The following NHLRC2 variants were observed in gnomAD, a reference collection of about 807,000 sequenced individuals.
NHLRC2 encodes NHL repeat-containing protein 2.
A neutral mutation model predicts 68.1 loss-of-function variants in NHLRC2; 33 were observed. The ratio of observed to expected loss-of-function variants is 0.48; its 90% CI spans 0.37 to 0.65. The LOEUF (loss-of-function observed/expected upper bound fraction) is 0.65. Among genes scored for constraint, NHLRC2 ranks in the 30% least tolerant of loss-of-function variants. The pLI, the probability that NHLRC2 is intolerant of heterozygous loss-of-function variation, is 0.00. For synonymous variants in NHLRC2, 311 were observed against 309.6 expected, an observed-to-expected ratio of 1.00 and a Z score of -0.05; for missense variants, 761 against 853.8, an observed-to-expected ratio of 0.89 and a Z score of 1.35.
chr10:113,872,674 A>G (rs970091344), intron 2 of NHLRC2, among the ~76,000 whole-genome samples: 1 of 151,906 alleles, frequency 6.6e-6, no homozygotes, highest in African/African-American at 2.4e-5. Flanking sequence ...TGAAAACTAA[A>G]TTTGACCAAG....
In NHLRC2 at chr10:113,903,553, A is replaced by C; in HGVS notation, c.1521A>C (p.Lys507Asn). The C allele has an allele frequency of 6.2e-7, 1 of 1,605,730 alleles. No homozygotes were observed. Among genetic ancestry groups the C allele is most frequent in the Non-Finnish European group, 8.5e-7 (1 of 1,177,368 alleles). Residue 507 changes from lysine to asparagine, a missense_variant, in exon 9 of 11, where the codon AAA (lysine) becomes AAC (asparagine). Physicochemically the swap from Lys to Asn is moderately conservative, Grantham distance 94. Coordinates refer to ENST00000369301, the MANE Select transcript of NHLRC2 (RefSeq NM_198514.4). Reference protein sequence around the residue: ...HKIKVVDPKTKNCTTLAGTGD... With the variant: ...HKIKVVDPKTNNCTTLAGTGD... ...TTAAAGTTGTGGATCCAAAAACAAA[A>C]AACTGTACAACATTAGCAGGAACTG... is the stretch of plus-strand genomic sequence containing the variant.
At chr10:113,877,056 G>C (rs1264887278) in intron 3 of NHLRC2, 80 bp downstream of exon 3, 2 of 834,330 alleles carry the variant, frequency 2.4e-6, no homozygotes. Flanking sequence ...AAGTTGAAAT[G>C]TCTAAATGAA....
chr10:113,903,445 G>T, intron 8 of NHLRC2, 82 bp from the exon 9 acceptor site: 1 of 812,796 alleles, frequency 1.2e-6, no homozygotes, highest in Non-Finnish European at 2.1e-6. Context: ...TCAGAAATTA[G>T]CTTGCTTGAT....
Position 113,902,529 on chromosome 10 carries a change from C to T in NHLRC2, c.1430C>T (p.Pro477Leu), listed in dbSNP as rs1478045198. 1 of 1,605,608 alleles carries T rather than the reference C, an allele frequency of 6.2e-7. No individual in the cohort carries two copies. Among genetic ancestry groups the T allele is most frequent in the Non-Finnish European group, 8.5e-7 (1 of 1,174,224 alleles). ...GVGINAKLQH[P>L]LGVTWDKKRN... ...GGAATCAATGCAAAGCTTCAACACCCCCTTGGAGTAACATGGGACAAAAAA... is the reference window on the plus strand; with the variant it reads ...GGAATCAATGCAAAGCTTCAACACCTCCTTGGAGTAACATGGGACAAAAAA... Residue 477 changes from proline (P) to leucine (L), a missense_variant, in exon 8 of 11, where the codon CCC (proline) becomes CTC (leucine). Pro to Leu is a moderately conservative substitution (Grantham distance 98, BLOSUM62 -3). Coordinates refer to ENST00000369301, the MANE Select transcript of NHLRC2 (RefSeq NM_198514.4).
intron 2 of NHLRC2, among the ~76,000 whole-genome samples, chr10:113,859,930 A>T (rs1193091300): frequency 6.6e-6 from 1 of 152,186 alleles, no homozygotes; most frequent in Non-Finnish European, 1.5e-5. Context: ...CAGAAGGGAC[A>T]CTCCTGGCTG....
intron 10 of NHLRC2, among the ~76,000 whole-genome samples, chr10:113,906,640 A>G (rs1369130917): frequency 2.0e-5 from 3 of 151,792 alleles, no homozygotes; most frequent in Non-Finnish European, 2.9e-5. Flanking sequence ...TTTCTGTTTT[A>G]TTTCTAGATT....
chr10:113,872,546 GA>G (rs528412134), intron 2 of NHLRC2, among the ~76,000 whole-genome samples: 2 of 145,976 alleles, frequency 1.4e-5, no homozygotes, highest in African/African-American at 2.5e-5. Context: ...TAGGAATAAT[GA>G]AAAAAAAACA....
Position 113,908,638 on chromosome 10 carries a change from C to A in NHLRC2, c.*102C>A. On this transcript the variant is annotated 3_prime_UTR_variant, in exon 11 of 11. Coordinates refer to ENST00000369301, the MANE Select transcript of NHLRC2 (RefSeq NM_198514.4). The stretch of plus-strand genomic sequence containing the variant: ...AAACTTCAGTTCTGCCTCTGGATAC[C>A]AAGATGCCCATTGCTCAGTTCAGAC... 1 of 1,050,842 alleles carries A rather than the reference C, an allele frequency of 9.5e-7. No homozygotes were observed. The highest frequency in any genetic ancestry group is 1.4e-6 in the Non-Finnish European group (1 of 709,886). The allele number at this position is 1,050,842 out of a possible 1,614,324, so 65.1% of individuals were successfully genotyped here.
Position 113,915,078 on chromosome 10 carries a change from C to T in NHLRC2, c.*6542C>T, listed in dbSNP as rs1846369414. On this transcript the variant is annotated 3_prime_UTR_variant, in exon 11 of 11. Coordinates refer to ENST00000369301, the MANE Select transcript of NHLRC2 (RefSeq NM_198514.4). ...TGTGTTGGTTTGGTTTAATTCTTTT[C>T]AAGGGTTGGAGTTGGAAAGTGAAAA... 2.2e-6 allele frequency: 1 copy of T among 456,248 alleles called. No individual in the cohort carries two copies. The highest frequency in any genetic ancestry group is 4.4e-6 in the Non-Finnish European group (1 of 226,968). 28.3% of individuals were successfully genotyped at this position (456,248 alleles called of 1,614,324 possible). A position where few individuals can be genotyped will look rare whatever the true frequency, so the allele number is the denominator to read the frequency against.
intron 1 of NHLRC2, among the ~76,000 whole-genome samples, chr10:113,856,277 T>C (rs1845757533): frequency 6.6e-6 from 1 of 152,218 alleles, no homozygotes; most frequent in Non-Finnish European, 1.5e-5. Context: ...ACCACATGTA[T>C]AGTTAATTGG....
chr10:113,879,635 T>C lies in NHLRC2; in HGVS notation c.849T>C (p.Gly283=). 6.3e-7 allele frequency: 1 copy of C among 1,577,464 alleles called. No individual in the cohort carries two copies. The highest frequency in any genetic ancestry group is 8.7e-7 in the Non-Finnish European group (1 of 1,151,138). ...AATCAACTTTTAATTCTCCACAGGGTGTAGCCATAATGAATAATATCATAT... is the reference window on the plus strand; with the variant it reads ...AATCAACTTTTAATTCTCCACAGGGCGTAGCCATAATGAATAATATCATAT... ...FSESTFNSPQ[G]VAIMNNIIYV... The change falls in exon 4 of 11, where the codon GGT becomes GGC. Residue 283 remains glycine, a synonymous_variant. Transcript: ENST00000369301.
chr10:113,872,761 TAAAA>T (rs56279136), intron 2 of NHLRC2, among the ~76,000 whole-genome samples: 1 of 136,384 alleles, frequency 7.3e-6, no homozygotes, highest in South Asian at 2.3e-4. Context: ...GAAAATGAGC[TAAAA>T]AAAAAAAAAA....
intron 7 of NHLRC2, 76 bp downstream of exon 7, chr10:113,901,973 T>C: frequency 1.9e-6 from 2 of 1,032,070 alleles, no homozygotes; most frequent in Non-Finnish European, 3.0e-6. Flanking sequence ...GGAAAGTTAA[T>C]AAGATTTAAG....
chr10:113,898,279 C>A, intron 6 of NHLRC2, 70 bp downstream of exon 6: 1 of 955,282 alleles, frequency 1.0e-6, no homozygotes, highest in Non-Finnish European at 1.7e-6. Flanking sequence ...TTTTCAAAAT[C>A]ACCATCCTCA....
At position 113,913,842 on chromosome 10, in the gene NHLRC2, G is replaced by GTTTTTTTTTTTTTTTTTTTTTTTTTT. The variant is rs1204774026; in HGVS notation, c.*5310_*5311insTTTTTTTTTTTTTTTTTTTTTTTTTT. On this transcript the variant is annotated 3_prime_UTR_variant, in exon 11 of 11. Transcript: ENST00000369301. The stretch of plus-strand genomic sequence containing the variant: ...GCATTAGGTACTTTTTGTTGTTGTT[G>GTTTTTTTTTTTTTTTTTTTTTTTTTT]TTTTGTTTTTTTTTTTTTTTTTTGA... 2.2e-5 allele frequency: 3 copies of GTTTTTTTTTTTTTTTTTTTTTTTTTT among 134,984 alleles called. 1 individual carries two copies. The highest frequency in any genetic ancestry group is 7.3e-5 in the Admixed American group (1 of 13,688). 8.4% of individuals were successfully genotyped at this position (134,984 alleles called of 1,614,324 possible).
chr10:113,860,690 A>G (rs1267607233), intron 2 of NHLRC2, among the ~76,000 whole-genome samples: 3 of 152,232 alleles, frequency 2.0e-5, no homozygotes, highest in Non-Finnish European at 4.4e-5. Context: ...TAAAAAAACA[A>G]TGTATGAAGA....
rs779439989 is a variant in NHLRC2, at chr10:113,904,878, A to C, written c.1766A>C (p.Lys589Thr). Residue 589 changes from lysine (K) to threonine (T), a missense_variant, in exon 10 of 11, where the codon AAG (lysine) becomes ACG (threonine). By Grantham distance (78) the Lys-to-Thr change is moderately conservative. Transcript: ENST00000369301. ...GGCCCGTTCCTAGTAGAAAAACAGA[A>C]GACATTACCCAAACTACCTAAATCT... ...VDGPFLVEKQ[K>T]TLPKLPKSAP... is the part of the protein sequence containing the mutation. 1 of 1,613,432 alleles carries C rather than the reference A, an allele frequency of 6.2e-7. No homozygotes were observed. The highest frequency in any genetic ancestry group is 2.2e-5 in the East Asian group (1 of 44,858).
intron 4 of NHLRC2, among the ~76,000 whole-genome samples, chr10:113,880,286 G>A (rs746668994): frequency 5.3e-5 from 8 of 151,698 alleles, no homozygotes; most frequent in Non-Finnish European, 1.0e-4. Flanking sequence ...ATATTAAAAA[G>A]CCTTTTTGTA....
intron 10 of NHLRC2, among the ~76,000 whole-genome samples, chr10:113,907,345 A>G (rs1846285853): frequency 6.6e-6 from 1 of 152,226 alleles, no homozygotes; most frequent in East Asian, 1.9e-4. Context: ...AGTAGACAGC[A>G]TTTCATCACA....
Sources: gnomAD v4.1 joint callset for allele counts (sites outside exome capture counted in the v4.1 genomes callset) on GRCh38, gnomAD v4.1.1 for gene constraint, MANE v1.5 for transcripts, NCBI Gene and HGNC (gene_info 2026-07-23, HGNC 2026-07-21) for gene names.